Variants in TRIM33 observed in about 807,000 individuals in gnomAD.
TRIM33 encodes tripartite motif containing 33, also known as E3 ubiquitin-protein ligase TRIM33.
In TRIM33, 20 loss-of-function variants were observed where a neutral mutation model predicts 125.4. The ratio of observed to expected loss-of-function variants is 0.16; its 90% confidence interval spans 0.11 to 0.23. The LOEUF is 0.23. Ranked by LOEUF, TRIM33 falls within the 10% of genes least tolerant of loss-of-function variation. The pLI is 1.00. For synonymous variants in TRIM33, 564 were observed against 513.9 expected (o/e 1.10, Z -1.32); for missense variants, 920 against 1,411.4 (o/e 0.65, Z 5.58).
At chr1:114,483,307 GA>G (rs200182601) in intron 1 of TRIM33, among the ~76,000 whole-genome samples, 1 of 148,364 alleles carries the variant, frequency 6.7e-6, no homozygotes, top group African/African-American at 2.5e-5. Flanking sequence ...ACCCTGTCTT[GA>G]AAAAAAAAAT....
intron 4 of TRIM33, among the ~76,000 whole-genome samples, chr1:114,442,872 A>G (rs1266180423): frequency 6.6e-6 from 1 of 152,048 alleles, no homozygotes; most frequent in Non-Finnish European, 1.5e-5. Context: ...GCCATAATAT[A>G]AGATTCTTAT....
chr1:114,450,325 G>GTTGTT (rs200362890), intron 4 of TRIM33, among the ~76,000 whole-genome samples: 50 of 152,136 alleles, frequency 3.3e-4, no homozygotes, highest in African/African-American at 1.2e-3. Context: ...TAACAATCCT[G>GTTGTT]TTGTTTTGTT....
intron 4 of TRIM33, among the ~76,000 whole-genome samples, chr1:114,454,123 G>A (rs1456296177): frequency 2.6e-5 from 4 of 152,288 alleles, no homozygotes; most frequent in South Asian, 4.1e-4. Context: ...AAGGAGTCTC[G>A]TGGATTACTC....
chr1:114,432,244 T>A (rs1027948911), intron 5 of TRIM33, among the ~76,000 whole-genome samples: 4 of 152,212 alleles, frequency 2.6e-5, no homozygotes, highest in Non-Finnish European at 5.9e-5. Context: ...AAAATACTTA[T>A]ACAATGTACA....
chr1:114,398,936 A>C (rs990900637), intron 18 of TRIM33, among the ~76,000 whole-genome samples: 4 of 150,936 alleles, frequency 2.7e-5, no homozygotes, highest in Non-Finnish European at 4.4e-5. Flanking sequence ...CAAAACAAAA[A>C]ACAAAAAACT....
intron 4 of TRIM33, among the ~76,000 whole-genome samples, chr1:114,452,782 G>A (rs1289291473): frequency 6.7e-6 from 1 of 148,940 alleles, no homozygotes; most frequent in South Asian, 2.2e-4. Flanking sequence ...TACACCTGTA[G>A]TCATAACAAT....
At chr1:114,438,213 T>C (rs1197803132) in intron 4 of TRIM33, among the ~76,000 whole-genome samples, 1 of 152,238 alleles carries the variant, frequency 6.6e-6, no homozygotes, top group Non-Finnish European at 1.5e-5. Context: ...ATTGTCACTG[T>C]ATATATTAAG....
At chr1:114,481,331 C>T (rs1277818016) in intron 1 of TRIM33, among the ~76,000 whole-genome samples, 2 of 152,106 alleles carry the variant, frequency 1.3e-5, no homozygotes, top group Admixed American at 6.5e-5. Flanking sequence ...TGGTGGCTCA[C>T]GCCTGTAATC....
In TRIM33 at chr1:114,397,601, TTTTTCG is replaced by T; in HGVS notation, c.*41_*46del. ...CTGGGTTTTTTGTGTTTTTTTTTTT[TTTTTCG>T]TTTTTTTTTTTTTAAACAATTGATT... On this transcript the variant is annotated 3_prime_UTR_variant, in exon 20 of 20. Coordinates refer to ENST00000358465, the MANE Select transcript of TRIM33 (RefSeq NM_015906.4). 8.8e-7 allele frequency: 1 copy of T among 1,132,900 alleles called. No homozygotes were observed. The highest frequency in any genetic ancestry group is 1.4e-5 in the South Asian group (1 of 72,432). The allele number at this position is 1,132,900 out of a possible 1,614,324, so 70.2% of individuals were successfully genotyped here. A position where few individuals can be genotyped will look rare whatever the true frequency, so the allele number is the denominator to read the frequency against.
intron 2 of TRIM33, among the ~76,000 whole-genome samples, chr1:114,463,800 G>A (rs1391350066): frequency 6.8e-5 from 9 of 132,918 alleles, no homozygotes; most frequent in African/African-American, 2.3e-4. Context: ...ACAGGCTCTC[G>A]CTCTGTCACC....
At chr1:114,423,041 C>T (rs1647305952) in intron 10 of TRIM33, among the ~76,000 whole-genome samples, 1 of 151,988 alleles carries the variant, frequency 6.6e-6, no homozygotes, top group Non-Finnish European at 1.5e-5. Flanking sequence ...TAACAGCATA[C>T]AAACATACAT....
At chr1:114,508,039 C>T (rs781393295) in intron 1 of TRIM33, among the ~76,000 whole-genome samples, 1 of 152,088 alleles carries the variant, frequency 6.6e-6, no homozygotes, top group Non-Finnish European at 1.5e-5. Context: ...ATCGCTTGAA[C>T]CTGGGAGGCA....
chr1:114,412,091 C>T (rs1652628912), intron 11 of TRIM33, among the ~76,000 whole-genome samples: 1 of 152,008 alleles, frequency 6.6e-6, no homozygotes, highest in African/African-American at 2.4e-5. Context: ...ATAAAGTTAA[C>T]AATAATGTCA....
chr1:114,464,880 C>CTCCG (rs1650196136), intron 1 of TRIM33, among the ~76,000 whole-genome samples: 1 of 151,902 alleles, frequency 6.6e-6, no homozygotes, highest in South Asian at 2.1e-4. Flanking sequence ...AAGGAAGAAG[C>CTCCG]CGGAGAAAAG....
chr1:114,430,975 T>A (rs1647915127), intron 5 of TRIM33, 63 bp from the exon 6 acceptor site: 3 of 934,996 alleles, frequency 3.2e-6, no homozygotes, highest in Admixed American at 2.0e-5. Context: ...TCATCAACTG[T>A]TACAGAAATT....
rs1471446578 is a variant in TRIM33 at position 114,394,093 on chromosome 1, A to T, written c.*3555T>A. 8.8e-6 allele frequency: 2 copies of T among 228,084 alleles called. No individual in the cohort carries two copies. The highest frequency in any genetic ancestry group is 1.3e-4 in the East Asian group (2 of 15,940). 14.1% of individuals were successfully genotyped at this position (228,084 alleles called of 1,614,324 possible). ...GAGTCACCTTCAGCAGATCATTAAC[A>T]TAGATGGTACAGAAATTAAGAATTC... is the stretch of plus-strand genomic sequence containing the variant. On this transcript the variant is annotated 3_prime_UTR_variant, in exon 20 of 20. Transcript: ENST00000358465.
intron 4 of TRIM33, among the ~76,000 whole-genome samples, chr1:114,442,936 ACTTTTAAT>A (rs1477142087): frequency 6.6e-6 from 1 of 152,170 alleles, no homozygotes; most frequent in East Asian, 1.9e-4. Flanking sequence ...AAATCTCCCT[ACTTTTAAT>A]ATAAATTTAG....
chr1:114,453,112 G>A (rs1219874097), intron 4 of TRIM33, among the ~76,000 whole-genome samples: 1 of 151,924 alleles, frequency 6.6e-6, no homozygotes, highest in Non-Finnish European at 1.5e-5. Flanking sequence ...GCCTGTAATC[G>A]CAGCACTTTG....
At chr1:114,402,663 A>G in intron 16 of TRIM33, 97 bp downstream of exon 16, 1 of 1,346,080 alleles carries the variant, frequency 7.4e-7, no homozygotes, top group Non-Finnish European at 1.0e-6. Flanking sequence ...ATTAAATGTT[A>G]TCAGGTTTTG....
Sources: allele counts gnomAD v4.1 joint callset (sites outside exome capture counted in the v4.1 genomes callset), GRCh38; gene constraint gnomAD v4.1.1; transcripts MANE v1.5; gene names NCBI Gene and HGNC (gene_info 2026-07-23, HGNC 2026-07-21).